The following RAP1A variants were observed in gnomAD, a reference collection of about 807,000 sequenced individuals.
RAP1A encodes ras-related protein Rap-1A.
Under a neutral mutation model 26.4 loss-of-function variants are expected in RAP1A, and 6 were observed. The ratio of observed to expected loss-of-function variants is 0.23; its 90% CI spans 0.12 to 0.45. RAP1A has a LOEUF of 0.45. Ranked by LOEUF, RAP1A falls within the 20% of genes least tolerant of loss-of-function variation. The pLI is 0.99. For synonymous variants in RAP1A, 73 were observed against 79.4 expected, an observed-to-expected ratio of 0.92 and a Z score of 0.43; for missense variants, 121 against 217.2, an observed-to-expected ratio of 0.56 and a Z score of 2.78.
At chr1:111,561,531 G>T (rs1657736304) in intron 1 of RAP1A, among the ~76,000 whole-genome samples, 1 of 152,092 alleles carries the variant, frequency 6.6e-6, no homozygotes, top group Non-Finnish European at 1.5e-5. Context: ...AGGAAGGGAG[G>T]AGGAAATACA....
chr1:111,583,066 C>T lies in RAP1A; in HGVS notation c.-28+40557C>T, dbSNP rs187564952. Among the ~76,000 whole-genome samples, 277 of 152,194 alleles carry T rather than the reference C, an allele frequency of 1.8e-3. 2 individuals are homozygous for T. Among genetic ancestry groups the T allele is most frequent in the African/African-American group, 6.6e-3 (273 of 41,472 alleles). On this transcript the variant is annotated intron_variant, in intron 1 of 7. Coordinates refer to the RAP1A transcript ENST00000356415. Reference sequence around the variant, plus strand: ...GGAAAGAATAATGTTTACAAAGTATCTTGCAGAGATTTCTGTATTTCCGGA... The same window carrying T: ...GGAAAGAATAATGTTTACAAAGTATTTTGCAGAGATTTCTGTATTTCCGGA...
At chr1:111,569,839 A>C (rs1349473210) in intron 1 of RAP1A, among the ~76,000 whole-genome samples, 1 of 152,124 alleles carries the variant, frequency 6.6e-6, no homozygotes, top group Non-Finnish European at 1.5e-5. Flanking sequence ...TTTTGGATCC[A>C]CAAAATGTTT....
At chr1:111,676,887 A>G (rs551224251) in intron 1 of RAP1A, among the ~76,000 whole-genome samples, 43 of 151,534 alleles carry the variant, frequency 2.8e-4, no homozygotes, top group African/African-American at 1.0e-3. Flanking sequence ...TCCGCTTCCC[A>G]TGTTCAAGCA....
chr1:111,632,082 TCA>T (rs1244255325), intron 1 of RAP1A, among the ~76,000 whole-genome samples: 2 of 152,200 alleles, frequency 1.3e-5, no homozygotes, highest in African/African-American at 4.8e-5. Flanking sequence ...CTAATATCTA[TCA>T]CAGTCTGTGG....
intron 1 of RAP1A, among the ~76,000 whole-genome samples, 153 bp downstream of exon 1, chr1:111,620,087 G>A (rs1168861022): frequency 6.6e-6 from 1 of 152,120 alleles, no homozygotes; most frequent in Admixed American, 6.5e-5. Flanking sequence ...GCGGCCCGGG[G>A]GCCTGGCCGG....
At chr1:111,613,156 T>TG (rs1439533030) in intron 1 of RAP1A, among the ~76,000 whole-genome samples, 1 of 151,896 alleles carries the variant, frequency 6.6e-6, no homozygotes, top group African/African-American at 2.4e-5. Context: ...CGTAGGGTTT[T>TG]TTTTTTTTTT....
At chr1:111,623,600 A>C (rs1057418314) in intron 1 of RAP1A, among the ~76,000 whole-genome samples, 2 of 151,874 alleles carry the variant, frequency 1.3e-5, no homozygotes, top group African/African-American at 4.8e-5. Flanking sequence ...TAGTAGAGAG[A>C]GAGTTTCACC....
At chr1:111,669,822 A>G (rs1397441555) in intron 1 of RAP1A, among the ~76,000 whole-genome samples, 1 of 152,248 alleles carries the variant, frequency 6.6e-6, no homozygotes, top group Non-Finnish European at 1.5e-5. Context: ...AGCAGAGTGA[A>G]TAGAAATGTA....
chr1:111,641,210 A>G (rs750228640), intron 1 of RAP1A, among the ~76,000 whole-genome samples: 1 of 152,194 alleles, frequency 6.6e-6, no homozygotes, highest in Non-Finnish European at 1.5e-5. Context: ...TAGCAATGAG[A>G]CAAGAAGACT....
At chr1:111,583,513 T>G (rs1658302965) in intron 1 of RAP1A, among the ~76,000 whole-genome samples, 1 of 152,106 alleles carries the variant, frequency 6.6e-6, no homozygotes, top group African/African-American at 2.4e-5. Flanking sequence ...TGTATCATTT[T>G]CAGGTCACGA....
intron 1 of RAP1A, among the ~76,000 whole-genome samples, chr1:111,651,735 C>G (rs1386192013): frequency 6.6e-6 from 1 of 151,930 alleles, no homozygotes; most frequent in African/African-American, 2.4e-5. Context: ...CCTCGGCCTC[C>G]CAAAGTGCTG....
intron 1 of RAP1A, among the ~76,000 whole-genome samples, chr1:111,544,480 T>G (rs1656964457): frequency 6.6e-6 from 1 of 152,226 alleles, no homozygotes; most frequent in Non-Finnish European, 1.5e-5. Flanking sequence ...GTCTAACTTA[T>G]TTCTTTCAGC....
Position 111,648,793 on chromosome 1 carries a change from G to T in RAP1A, c.-28+28859G>T, listed in dbSNP as rs545628205. 3.8e-4 allele frequency: 245 copies of T among 652,686 alleles called. 1 individual carries two copies. The African/African-American group carries it at 4.1e-3, about 11-fold the overall frequency. 40.4% of individuals were successfully genotyped at this position (652,686 alleles called of 1,614,324 possible). On this transcript the variant is annotated intron_variant, in intron 1 of 7. Transcript: ENST00000369709. ...GACCAGTACTTGTCTAGCTCCTGTC[G>T]ATTCTTTCAAGCCAGCTCATTGTAT...
intron 1 of RAP1A, among the ~76,000 whole-genome samples, chr1:111,651,581 A>G (rs1446966573): frequency 1.3e-5 from 2 of 151,134 alleles, no homozygotes; most frequent in African/African-American, 2.4e-5. Context: ...GGTTCAAGTA[A>G]TTCTTGTGCC....
chr1:111,639,092 G>GACTTAT (rs10647321), intron 1 of RAP1A, among the ~76,000 whole-genome samples: 148,394 of 152,022 alleles, frequency 0.98, 72,452 homozygotes, highest in East Asian at 1. Flanking sequence ...AAGTATTTTG[G>GACTTAT]ACTCTTTCTG....
At chr1:111,632,630 C>T (rs145878137) in intron 1 of RAP1A, among the ~76,000 whole-genome samples, 191 of 151,952 alleles carry the variant, frequency 1.3e-3, no homozygotes, top group African/African-American at 4.3e-3. Context: ...TTGGAGCCTA[C>T]GGCCAGGTGT....
chr1:111,680,486 A>T (rs1009776907), intron 1 of RAP1A: 2 of 152,232 alleles, frequency 1.3e-5, no homozygotes, highest in African/African-American at 4.8e-5. Flanking sequence ...CTAGACATAG[A>T]GTGCTGATTG....
chr1:111,563,626 T>TGTCAA (rs1306339082), intron 1 of RAP1A, among the ~76,000 whole-genome samples: 1 of 152,200 alleles, frequency 6.6e-6, no homozygotes, highest in Non-Finnish European at 1.5e-5. Flanking sequence ...AACTTGTATG[T>TGTCAA]GTCAAACACT....
intron 4 of RAP1A, among the ~76,000 whole-genome samples, chr1:111,701,009 C>T (rs908243181): frequency 1.3e-5 from 2 of 152,194 alleles, no homozygotes; most frequent in Non-Finnish European, 2.9e-5. Flanking sequence ...TCTTCACCCC[C>T]TTCAGATTGT....
Sources: gnomAD v4.1 joint callset for allele counts (sites outside exome capture counted in the v4.1 genomes callset) on GRCh38, gnomAD v4.1.1 for gene constraint, MANE v1.5 for transcripts, NCBI Gene and HGNC (gene_info 2026-07-23, HGNC 2026-07-21) for gene names.